GSS: variants seen among roughly 807,000 people sequenced by gnomAD.
The protein encoded by GSS is glutathione synthetase.
In GSS, 34 loss-of-function variants were observed where a neutral mutation model predicts 60.4. The ratio of observed to expected loss-of-function variants is 0.56; its 90% CI spans 0.43 to 0.75. The LOEUF is 0.75. Ranked by LOEUF, GSS falls within the 30% of genes least tolerant of loss-of-function variation. The pLI, the probability that GSS is intolerant of heterozygous loss-of-function variation, is 0.00. For synonymous variants in GSS, 224 were observed against 239.0 expected (o/e 0.94, Z 0.58); for missense variants, 499 against 595.1 (o/e 0.84, Z 1.68).
At chr20:34,948,538 C>A (rs985656275) in intron 2 of GSS, among the ~76,000 whole-genome samples, 1 of 152,168 alleles carries the variant, frequency 6.6e-6, no homozygotes, top group African/African-American at 2.4e-5. Context: ...GTAATCCCAG[C>A]ACTTTGGGAG....
chr20:34,951,517 G>A (rs2081568085), intron 2 of GSS: 1 of 592,494 alleles, frequency 1.7e-6, no homozygotes, highest in African/African-American at 1.9e-5. Context: ...TAAGTAATTT[G>A]CCTAAGTCAC....
intron 9 of GSS, chr20:34,933,579 CA>C (rs765698290): frequency 3.9e-5 from 6 of 153,364 alleles, no homozygotes; most frequent in Non-Finnish European, 7.3e-5. Context: ...ACAGCAGGAT[CA>C]GGTCTCTCCT....
chr20:34,951,943 A>T, intron 1 of GSS, 83 bp from the exon 2 acceptor site: 1 of 1,385,374 alleles, frequency 7.2e-7, no homozygotes, highest in Non-Finnish European at 1.0e-6. Context: ...GCCACCCCCA[A>T]CACAGCAGGA....
intron 1 of GSS, among the ~76,000 whole-genome samples, chr20:34,954,085 C>T (rs1281541118): frequency 6.6e-6 from 1 of 152,224 alleles, no homozygotes; most frequent in Non-Finnish European, 1.5e-5. Context: ...GGACAAGAAC[C>T]CATTACCTTG....
intron 1 of GSS, among the ~76,000 whole-genome samples, chr20:34,953,604 C>G (rs1351912031): frequency 6.7e-6 from 1 of 149,654 alleles, no homozygotes; most frequent in Non-Finnish European, 1.5e-5. Flanking sequence ...CTCTCTCTCT[C>G]CCTCCCTCTT....
At chr20:34,934,339 T>C (rs6087654) in intron 9 of GSS, among the ~76,000 whole-genome samples, 81,979 of 149,788 alleles carry the variant, frequency 0.55, 23,108 homozygotes, top group South Asian at 0.74. Flanking sequence ...TGCAGTGGCA[T>C]GATCTCAACT....
chr20:34,929,566 A>G lies in GSS; in HGVS notation c.1136T>C (p.Met379Thr). 1.9e-6 allele frequency: 3 copies of G among 1,613,968 alleles called. No homozygotes were observed. Among genetic ancestry groups the G allele is most frequent in the Non-Finnish European group, 2.5e-6 (3 of 1,179,940 alleles). ...GGGNNLYGEE[M>T]VQALKQLKDS... ...CTTCAGCTGTTTCAGGGCCTGTACC[A>G]TTTCCTCCCCATATAGGTTGTTACC... Residue 379 changes from methionine (M) to threonine (T), a missense_variant, in exon 12 of 13, where the codon ATG becomes ACG. Transcript: ENST00000651619.
intron 7 of GSS, 22 bp downstream of exon 7, chr20:34,936,921 A>T: frequency 6.2e-7 from 1 of 1,608,248 alleles, no homozygotes; most frequent in Non-Finnish European, 8.5e-7. Context: ...CCACACCTAG[A>T]AGTCCCCCTT....
chr20:34,947,399 ATTTTTT>A (rs112849620), intron 2 of GSS, among the ~76,000 whole-genome samples: 1 of 152,038 alleles, frequency 6.6e-6, no homozygotes, highest in South Asian at 2.1e-4. Context: ...AAATATTATT[ATTTTTT>A]TAACAGGTAA....
At chr20:34,934,973 G>C (rs1222469638) in intron 9 of GSS, among the ~76,000 whole-genome samples, 1 of 152,198 alleles carries the variant, frequency 6.6e-6, no homozygotes, top group Non-Finnish European at 1.5e-5. Flanking sequence ...AGAAGAATGG[G>C]AATACCATCG....
intron 9 of GSS, 150 bp downstream of exon 9, chr20:34,935,426 G>C: frequency 1.4e-6 from 1 of 710,550 alleles, no homozygotes; most frequent in South Asian, 1.5e-5. Flanking sequence ...AAAGGCTTGA[G>C]GGAGGATAGG....
rs542255321 is a variant in GSS, at chr20:34,928,591, C to G, written c.*237G>C. 1 of 589,422 alleles carries G rather than the reference C, an allele frequency of 1.7e-6. No homozygotes were observed. Among genetic ancestry groups the G allele is most frequent in the South Asian group, 1.9e-5 (1 of 51,634 alleles). The allele number at this position is 589,422 out of a possible 1,614,324, so 36.5% of individuals were successfully genotyped here. ...CAGGAGTGGGGCAGGGTTCATGGAC[C>G]TTTACCTCAGAGCAGCTTACCCTGA... On this transcript the variant is annotated 3_prime_UTR_variant, in exon 13 of 13. Coordinates refer to ENST00000651619, the MANE Select transcript of GSS (RefSeq NM_000178.4).
chr20:34,948,181 G>A (rs2081537919), intron 2 of GSS, among the ~76,000 whole-genome samples: 1 of 152,132 alleles, frequency 6.6e-6, no homozygotes, highest in Non-Finnish European at 1.5e-5. Flanking sequence ...TATTCAGTCT[G>A]AAGCCTTTAT....
chr20:34,945,836 G>A, intron 3 of GSS, 117 bp downstream of exon 3: 2 of 1,096,660 alleles, frequency 1.8e-6, no homozygotes, highest in Admixed American at 1.8e-5. Flanking sequence ...GTTCTTTGGA[G>A]GTACCTTTCC....
chr20:34,928,994 C>T (rs1048265017), intron 12 of GSS, 43 bp from the exon 13 acceptor site: 9 of 1,611,794 alleles, frequency 5.6e-6, no homozygotes, highest in Non-Finnish European at 7.6e-6. Context: ...CTGGACTCAG[C>T]CCCAAACCCA....
At chr20:34,940,609 C>T (rs1376255733) in intron 6 of GSS, among the ~76,000 whole-genome samples, 1 of 152,164 alleles carries the variant, frequency 6.6e-6, no homozygotes, top group Non-Finnish European at 1.5e-5. Context: ...GGGAGTTGAA[C>T]AGTATTGACC....
intron 1 of GSS, among the ~76,000 whole-genome samples, chr20:34,953,138 C>T (rs185833083): frequency 6.6e-6 from 1 of 152,294 alleles, no homozygotes; most frequent in East Asian, 1.9e-4. Context: ...TTCAGCAGGC[C>T]TCAGGAGTTT....
intron 2 of GSS, among the ~76,000 whole-genome samples, chr20:34,951,173 G>A (rs1187249456): frequency 1.3e-5 from 2 of 152,140 alleles, no homozygotes; most frequent in African/African-American, 4.8e-5. Context: ...TCAGAATGAA[G>A]ATGACCCTAA....
intron 3 of GSS, 96 bp from the exon 4 acceptor site, chr20:34,943,102 G>A: frequency 1.2e-6 from 1 of 820,862 alleles, no homozygotes; most frequent in Non-Finnish European, 2.1e-6. Flanking sequence ...TCCTCTCTGA[G>A]TCTACTGGCC....
Sources: gnomAD v4.1 joint callset for allele counts (sites outside exome capture counted in the v4.1 genomes callset) on GRCh38, gnomAD v4.1.1 for gene constraint, MANE v1.5 for transcripts, NCBI Gene and HGNC (gene_info 2026-07-23, HGNC 2026-07-21) for gene names.